SEMA3C: variants seen among roughly 807,000 people sequenced by gnomAD.
The protein encoded by SEMA3C is semaphorin 3C.
In SEMA3C, 47 loss-of-function variants were observed where a neutral mutation model predicts 89.4. The ratio of observed to expected loss-of-function variants is 0.53; its 90% confidence interval spans 0.42 to 0.67. The LOEUF is 0.67. Ranked by LOEUF, SEMA3C falls within the 30% of genes least tolerant of loss-of-function variation. The pLI is 0.00. For synonymous variants in SEMA3C, 310 were observed against 320.2 expected, an observed-to-expected ratio of 0.97 and a Z score of 0.34; for missense variants, 839 against 929.1, an observed-to-expected ratio of 0.90 and a Z score of 1.26.
In SEMA3C at chr7:80,765,201, T is replaced by C. The variant is rs767653514; in HGVS notation, c.1397A>G (p.Asn466Ser). Reference protein sequence around the residue: ...VQKVVVLPTNNSVSGELILEE... With the variant: ...VQKVVVLPTNSSVSGELILEE... ...CAGAATGAGCTCGCCACTGACAGAG[T>C]TGTTAGTAGGAAGAACAACCACTTT... Residue 466 changes from asparagine to serine, a missense_variant, in exon 13 of 18, where the codon AAC (asparagine) becomes AGC (serine). Physicochemically the swap from Asn to Ser is conservative, Grantham distance 46 (BLOSUM62 1). Coordinates refer to ENST00000265361, the MANE Select transcript of SEMA3C (RefSeq NM_006379.5). The C allele has an allele frequency of 6.2e-7, 1 of 1,613,598 alleles. No individual in the cohort carries two copies. The highest frequency in any genetic ancestry group is 8.5e-7 in the Non-Finnish European group (1 of 1,179,804).
At chr7:80,745,458 G>C in intron 17 of SEMA3C, 151 bp from the exon 18 acceptor site, 1 of 721,550 alleles carries the variant, frequency 1.4e-6, no homozygotes, top group Non-Finnish European at 2.2e-6. Flanking sequence ...ATGAAATTTT[G>C]GTCAGTTCCA....
In SEMA3C at chr7:80,820,054, C is replaced by CTTTT. The variant is rs768363975; in HGVS notation, c.328-1640_328-1637dup. 7.3e-5 allele frequency among the ~76,000 whole-genome samples: 9 copies of CTTTT among 124,078 alleles called. 1 individual carries two copies. The highest frequency in any genetic ancestry group is 1.3e-4 in the Non-Finnish European group (8 of 60,626). The allele number at this position is 124,078 out of a possible 152,430, so 81.4% of individuals were successfully genotyped here. A position where few individuals can be genotyped will look rare whatever the true frequency, so the allele number is the denominator to read the frequency against. The stretch of plus-strand genomic sequence containing the variant: ...CCCCTGCTAGGTACCATGTATGCTC[C>CTTTT]TTTTTTTTTTTTTTTTTTTTAGAGA... On this transcript the variant is annotated intron_variant, in intron 4 of 17. Transcript: ENST00000265361.
At chr7:80,804,793 G>GA (rs1280299264) in intron 7 of SEMA3C, among the ~76,000 whole-genome samples, 2 of 152,090 alleles carry the variant, frequency 1.3e-5, no homozygotes, top group African/African-American at 4.8e-5. Context: ...TGTACTGGAG[G>GA]AATAATCTGA....
chr7:80,794,591 G>C (rs1789018398), intron 11 of SEMA3C, among the ~76,000 whole-genome samples: 1 of 152,022 alleles, frequency 6.6e-6, no homozygotes, highest in Admixed American at 6.6e-5. Flanking sequence ...GTGATCCTTT[G>C]CATGTACCCG....
upstream of SEMA3C, among the ~76,000 whole-genome samples, chr7:80,921,666 T>TA (rs771864880): frequency 1.3e-5 from 2 of 152,184 alleles, no homozygotes; most frequent in Non-Finnish European, 2.9e-5. Context: ...GAGCACTAAT[T>TA]ACAATGTTTG....
chr7:80,800,152 CAA>C (rs1215573724), intron 10 of SEMA3C, among the ~76,000 whole-genome samples: 20 of 58,370 alleles, frequency 3.4e-4, no homozygotes, highest in Admixed American at 1.2e-3. Flanking sequence ...GACTCCATCT[CAA>C]AAAAAAAAAA....
At chr7:80,843,210 G>T (rs910775102) in intron 2 of SEMA3C, among the ~76,000 whole-genome samples, 1 of 152,000 alleles carries the variant, frequency 6.6e-6, no homozygotes, top group South Asian at 2.1e-4. Context: ...GACCTGAATC[G>T]TTTCCAACAC....
intron 2 of SEMA3C, among the ~76,000 whole-genome samples, chr7:80,837,699 A>G (rs985281028): frequency 5.9e-5 from 9 of 152,184 alleles, no homozygotes; most frequent in African/African-American, 1.7e-4. Flanking sequence ...ATTCCTACTT[A>G]TAATGTGACC....
intron 2 of SEMA3C, among the ~76,000 whole-genome samples, chr7:80,872,856 T>C (rs1791100241): frequency 7.1e-6 from 1 of 141,600 alleles, no homozygotes; most frequent in South Asian, 2.2e-4. Flanking sequence ...CTGTGTTCAG[T>C]ATATTGCAAT....
chr7:80,797,970 C>G lies in SEMA3C; in HGVS notation c.1131+122G>C, dbSNP rs941232723. On this transcript the variant is annotated intron_variant, in intron 11 of 17. Transcript: ENST00000265361. ...CTGAGATTGCACCACTACATTCCACCCTGGGCAACAGAGTGAGACTCCGTC... is the reference window on the plus strand; with the variant it reads ...CTGAGATTGCACCACTACATTCCACGCTGGGCAACAGAGTGAGACTCCGTC... The G allele has an allele frequency of 2.8e-5, 26 of 944,328 alleles. No individual in the cohort carries two copies. The Admixed American group carries it at 3.5e-4, about 13-fold the overall frequency. 58.5% of individuals were successfully genotyped at this position (944,328 alleles called of 1,614,324 possible). A position where few individuals can be genotyped will look rare whatever the true frequency, so the allele number is the denominator to read the frequency against.
At chr7:80,896,131 AT>A (rs1299383921) in intron 2 of SEMA3C, among the ~76,000 whole-genome samples, 1 of 152,122 alleles carries the variant, frequency 6.6e-6, no homozygotes, top group Non-Finnish European at 1.5e-5. Context: ...TACAATATGA[AT>A]TTTTAAAATT....
At chr7:80,901,852 CT>C (rs903411770) in intron 2 of SEMA3C, among the ~76,000 whole-genome samples, 10 of 152,134 alleles carry the variant, frequency 6.6e-5, no homozygotes, top group Non-Finnish European at 1.2e-4. Context: ...GTTATTTTTC[CT>C]TTTTTTCTAT....
At chr7:80,790,390 C>A (rs953699591) in intron 11 of SEMA3C, among the ~76,000 whole-genome samples, 1 of 151,916 alleles carries the variant, frequency 6.6e-6, no homozygotes, top group African/African-American at 2.4e-5. Flanking sequence ...AGGAAGAAGA[C>A]AGCTTAGATT....
chr7:80,903,169 A>G (rs983590766), intron 2 of SEMA3C, among the ~76,000 whole-genome samples: 1 of 152,148 alleles, frequency 6.6e-6, no homozygotes, highest in Non-Finnish European at 1.5e-5. Flanking sequence ...CATTGTGCGA[A>G]CATCATATAT....
chr7:80,791,048 G>C (rs1788928668), intron 11 of SEMA3C, among the ~76,000 whole-genome samples: 1 of 152,042 alleles, frequency 6.6e-6, no homozygotes. Flanking sequence ...TGAAACAGGG[G>C]CCTCAATTCT....
intron 2 of SEMA3C, among the ~76,000 whole-genome samples, chr7:80,867,447 A>G (rs1356029885): frequency 1.3e-5 from 2 of 152,126 alleles, no homozygotes; most frequent in Non-Finnish European, 2.9e-5. Context: ...CAAAGTGCCA[A>G]TATTTCAAAA....
At chr7:80,883,128 C>A (rs944841680) in intron 2 of SEMA3C, among the ~76,000 whole-genome samples, 2 of 152,136 alleles carry the variant, frequency 1.3e-5, no homozygotes, top group African/African-American at 4.8e-5. Flanking sequence ...ATCTCTCAAG[C>A]ATTTGTTAAT....
intron 2 of SEMA3C, among the ~76,000 whole-genome samples, chr7:80,861,487 A>G (rs1481857804): frequency 1.3e-5 from 2 of 152,160 alleles, no homozygotes. Context: ...TCTAAATCAC[A>G]TTTAATAAGA....
intron 2 of SEMA3C, among the ~76,000 whole-genome samples, chr7:80,895,755 T>C (rs909298692): frequency 5.3e-5 from 8 of 152,166 alleles, no homozygotes; most frequent in Non-Finnish European, 1.0e-4. Context: ...TTGTTAAAGA[T>C]ACAAACAGCT....
Sources: allele counts gnomAD v4.1 joint callset (sites outside exome capture counted in the v4.1 genomes callset), GRCh38; gene constraint gnomAD v4.1.1; transcripts MANE v1.5; gene names NCBI Gene and HGNC (gene_info 2026-07-23, HGNC 2026-07-21).